PPP1R9A: variants seen among roughly 807,000 people sequenced by gnomAD.
PPP1R9A encodes neurabin-1.
A neutral mutation model predicts 141.9 loss-of-function variants in PPP1R9A; 59 were observed. That is an observed-to-expected ratio of 0.42 (90% CI 0.34 to 0.52). The LOEUF (loss-of-function observed/expected upper bound fraction) is 0.52, where lower values mean the gene tolerates loss of function less well. PPP1R9A is among the 20% of genes least tolerant of loss of function. The pLI, the probability that PPP1R9A is intolerant of heterozygous loss-of-function variation, is 0.10. For missense variants in PPP1R9A, 1,444 were observed against 1,611.9 expected (o/e 0.90, Z 1.78); for synonymous variants, 500 against 569.7 (o/e 0.88, Z 1.74).
chr7:95,111,427 G>A, intron 3 of PPP1R9A, 36 bp downstream of exon 3: 2 of 1,574,270 alleles, frequency 1.3e-6, no homozygotes, highest in Non-Finnish European at 1.7e-6. Context: ...TCATTATGTT[G>A]CTATGTTAAT....
chr7:95,092,987 C>T (rs569535926), intron 2 of PPP1R9A, among the ~76,000 whole-genome samples: 1 of 152,310 alleles, frequency 6.6e-6, no homozygotes, highest in African/African-American at 2.4e-5. Flanking sequence ...TTGAGTGCAA[C>T]TACACTTTTG....
chr7:94,971,213 G>A (rs1039792401), intron 2 of PPP1R9A, among the ~76,000 whole-genome samples: 7 of 152,310 alleles, frequency 4.6e-5, no homozygotes, highest in South Asian at 4.1e-4. Context: ...GCCTCCCACT[G>A]GGGGTCAGGG....
intron 4 of PPP1R9A, among the ~76,000 whole-genome samples, chr7:95,142,442 AT>A (rs1826870897): frequency 6.6e-6 from 1 of 151,972 alleles, no homozygotes; most frequent in African/African-American, 2.4e-5. Context: ...GATCATAAAG[AT>A]TTACTCGTTC....
intron 2 of PPP1R9A, among the ~76,000 whole-genome samples, chr7:95,043,221 T>C (rs1334500027): frequency 6.6e-6 from 1 of 152,218 alleles, no homozygotes. Flanking sequence ...ACTTGAGGTA[T>C]GCCTATGCTA....
chr7:95,116,628 A>T (rs967498378), intron 3 of PPP1R9A, among the ~76,000 whole-genome samples: 1 of 152,224 alleles, frequency 6.6e-6, no homozygotes, highest in African/African-American at 2.4e-5. Flanking sequence ...CTCCAAATAG[A>T]ACTGCCAACA....
chr7:94,910,236 G>C lies in PPP1R9A; in HGVS notation c.123G>C (p.Gly41=). The C allele has an allele frequency of 6.2e-7, 1 of 1,613,946 alleles. No homozygotes were observed. The highest frequency in any genetic ancestry group is 8.5e-7 in the Non-Finnish European group (1 of 1,179,978). ...KSTFDKPKSD[G]EQKTKEGEGS... is the part of the protein sequence containing the mutation. Reference sequence around the variant, plus strand: ...CCTTTGACAAACCCAAGTCAGATGGGGAACAAAAAACAAAAGAAGGTGAGG... The same window carrying C: ...CCTTTGACAAACCCAAGTCAGATGGCGAACAAAAAACAAAAGAAGGTGAGG... Residue 41 remains glycine, a synonymous_variant, in exon 2 of 20, where the codon GGG becomes GGC. Coordinates refer to ENST00000433360, the MANE Select transcript of PPP1R9A (RefSeq NM_001166160.2). This position sits in a 1 kb window ranked among gnomAD's most constrained non-coding sequence, Gnocchi z 4.5.
At chr7:95,261,496 T>C (rs1014338182) in intron 12 of PPP1R9A, among the ~76,000 whole-genome samples, 1 of 151,570 alleles carries the variant, frequency 6.6e-6, no homozygotes, top group African/African-American at 2.4e-5. Context: ...AAAACACTGT[T>C]GCTTGTGAGT....
intron 7 of PPP1R9A, among the ~76,000 whole-genome samples, chr7:95,216,813 G>A (rs765708119): frequency 2.6e-5 from 4 of 152,174 alleles, no homozygotes; most frequent in South Asian, 4.2e-4. Flanking sequence ...TTGCACATTG[G>A]TTTTGTATCC....
At chr7:95,090,467 A>G (rs566996892) in intron 2 of PPP1R9A, among the ~76,000 whole-genome samples, 2 of 152,070 alleles carry the variant, frequency 1.3e-5, no homozygotes, top group Admixed American at 1.3e-4. Context: ...TTTTTAAGAT[A>G]ACATTTACCA....
intron 18 of PPP1R9A, 141 bp from the exon 19 acceptor site, chr7:95,288,392 TAAC>T (rs1485969701): frequency 1.2e-5 from 14 of 1,179,636 alleles, no homozygotes; most frequent in African/African-American, 1.5e-5. Flanking sequence ...GTATTTTTTC[TAAC>T]ACCACTAGAA....
rs202222028 is a variant in PPP1R9A, at chr7:95,161,186, G to GT, written c.1650-671dup. The stretch of plus-strand genomic sequence containing the variant: ...TCCACATTCTTCCCAGCATCTGTTT[G>GT]TTTTTTTTTTAACTTTTTAGTAATA... On this transcript the variant is annotated intron_variant, in intron 4 of 19. Coordinates refer to ENST00000433360, the MANE Select transcript of PPP1R9A (RefSeq NM_001166160.2). Among the ~76,000 whole-genome samples the GT allele has an allele frequency of 7.0e-3, 1,026 of 147,354 alleles. 11 individuals carry two copies. Among genetic ancestry groups the GT allele is most frequent in the African/African-American group, 0.022 (890 of 40,280 alleles).
At chr7:95,262,942 TC>T (rs1374602335) in intron 12 of PPP1R9A, among the ~76,000 whole-genome samples, 1 of 152,114 alleles carries the variant, frequency 6.6e-6, no homozygotes, top group Non-Finnish European at 1.5e-5. Context: ...CAGTACATCT[TC>T]CCCATACAAT....
At chr7:95,179,793 A>T (rs1354081384) in intron 5 of PPP1R9A, among the ~76,000 whole-genome samples, 1 of 151,572 alleles carries the variant, frequency 6.6e-6, no homozygotes, top group Non-Finnish European at 1.5e-5. Context: ...AAAAAAAAAA[A>T]AAATACGTAG....
chr7:95,071,551 A>G (rs1043086069), intron 2 of PPP1R9A, among the ~76,000 whole-genome samples: 8 of 151,980 alleles, frequency 5.3e-5, no homozygotes, highest in African/African-American at 1.9e-4. Context: ...GCTTAGCTCA[A>G]CTTACCTTCC....
At chr7:95,265,330 C>G (rs2153039707) in intron 12 of PPP1R9A, among the ~76,000 whole-genome samples, 1 of 152,316 alleles carries the variant, frequency 6.6e-6, no homozygotes, top group South Asian at 2.1e-4. Flanking sequence ...TATTCACTCT[C>G]TGTCACAGAT....
chr7:95,128,018 T>C (rs1823885044), intron 4 of PPP1R9A, among the ~76,000 whole-genome samples: 1 of 152,180 alleles, frequency 6.6e-6, no homozygotes, highest in Non-Finnish European at 1.5e-5. Context: ...TGATTTGTTT[T>C]CTTTTGGATA....
intron 2 of PPP1R9A, among the ~76,000 whole-genome samples, chr7:94,923,275 A>G (rs965312127): frequency 2.6e-5 from 4 of 152,186 alleles, no homozygotes; most frequent in South Asian, 2.1e-4. Flanking sequence ...ATGCTTTCAA[A>G]CACTGGGTAT....
At chr7:95,052,000 C>T (rs1237197519) in intron 2 of PPP1R9A, among the ~76,000 whole-genome samples, 1 of 151,906 alleles carries the variant, frequency 6.6e-6, no homozygotes, top group African/African-American at 2.4e-5. Context: ...CCACCATGCC[C>T]AGCTAACTTT....
At chr7:95,127,837 A>G (rs1823846920) in intron 4 of PPP1R9A, among the ~76,000 whole-genome samples, 1 of 152,164 alleles carries the variant, frequency 6.6e-6, no homozygotes, top group South Asian at 2.1e-4. Flanking sequence ...TGTTGCTGTG[A>G]AGGACATGAT....
Sources: gnomAD v4.1 joint callset for allele counts (sites outside exome capture counted in the v4.1 genomes callset) on GRCh38, gnomAD v4.1.1 for gene constraint, Gnocchi (gnomAD v3.1) non-coding constraint, MANE v1.5 for transcripts, NCBI Gene and HGNC (gene_info 2026-07-23, HGNC 2026-07-21) for gene names.